Variants in ROBO2 observed in about 807,000 individuals in gnomAD.
ROBO2 encodes the protein roundabout guidance receptor 2.
Under a neutral mutation model 160.8 loss-of-function variants are expected in ROBO2, and 53 were observed. The observed-to-expected ratio is 0.33, with a 90% confidence interval of 0.26 to 0.41. ROBO2 has a LOEUF of 0.41. Among genes scored for constraint, ROBO2 ranks in the 10% least tolerant of loss-of-function variants. The pLI, the probability that ROBO2 is intolerant of heterozygous loss-of-function variation, is 1.00. For missense variants in ROBO2, 1,577 were observed against 1,722.4 expected, an observed-to-expected ratio of 0.92 and a Z score of 1.49; for synonymous variants, 664 against 611.7, an observed-to-expected ratio of 1.09 and a Z score of -1.26.
chr3:77,332,415 A>G (rs899295047), intron 2 of ROBO2, among the ~76,000 whole-genome samples: 2 of 152,122 alleles, frequency 1.3e-5, no homozygotes, highest in Non-Finnish European at 2.9e-5. Flanking sequence ...CAGAGGTAGT[A>G]TTATGGGGTG....
At chr3:76,087,004 G>A (rs2069041235) in intron 2 of ROBO2, among the ~76,000 whole-genome samples, 1 of 151,934 alleles carries the variant, frequency 6.6e-6, no homozygotes, top group African/African-American at 2.4e-5. Flanking sequence ...AGAGAAAAAT[G>A]ATGAAATAAA....
rs147049519 is a variant in ROBO2 at position 77,166,552 on chromosome 3, G to GT, written c.388+68220dup. On this transcript the variant is annotated intron_variant, in intron 2 of 25. Transcript: ENST00000461745. ...AAAAAATATTTAATGACACAGAAGT[G>GT]TTTTTTTTGTTTGTTTGTTTGTTTT... Among the ~76,000 whole-genome samples the GT allele has an allele frequency of 0.022, 3,278 of 151,536 alleles. 182 individuals are homozygous for GT. In the East Asian group the frequency reaches 0.22, roughly 10 times the overall value.
intron 2 of ROBO2, among the ~76,000 whole-genome samples, chr3:75,991,335 G>T (rs2065562733): frequency 6.6e-6 from 1 of 152,066 alleles, no homozygotes; most frequent in African/African-American, 2.4e-5. Flanking sequence ...ATGTGTTGTG[G>T]GAGGAATCCA....
chr3:76,980,288 C>G (rs1026741048), intron 2 of ROBO2, among the ~76,000 whole-genome samples: 9 of 152,180 alleles, frequency 5.9e-5, no homozygotes, highest in African/African-American at 1.4e-4. Context: ...GCAGAAATAG[C>G]ACAGCCACTA....
intron 5 of ROBO2, among the ~76,000 whole-genome samples, chr3:77,521,676 T>G (rs1197177573): frequency 6.6e-6 from 1 of 151,238 alleles, no homozygotes; most frequent in East Asian, 1.9e-4. Flanking sequence ...TAGACAATGC[T>G]TTTTCTCATG....
chr3:76,260,824 T>C (rs1425800957), intron 2 of ROBO2, among the ~76,000 whole-genome samples: 1 of 152,132 alleles, frequency 6.6e-6, no homozygotes, highest in African/African-American at 2.4e-5. Flanking sequence ...TCTTACAGAA[T>C]TATGAAGTAG....
At chr3:76,735,860 G>T (rs376690252) in intron 2 of ROBO2, among the ~76,000 whole-genome samples, 1 of 151,260 alleles carries the variant, frequency 6.6e-6, no homozygotes, top group Non-Finnish European at 1.5e-5. Context: ...TTGGTTACAG[G>T]AGCTGTACCC....
chr3:77,035,907 C>T (rs1189280258), upstream of ROBO2, among the ~76,000 whole-genome samples: 6 of 151,830 alleles, frequency 4.0e-5, no homozygotes, highest in Non-Finnish European at 8.8e-5. Context: ...TATAATAAGA[C>T]AATCTTATAT....
intron 2 of ROBO2, among the ~76,000 whole-genome samples, chr3:76,476,011 GGT>G (rs1452862797): frequency 6.6e-5 from 10 of 152,120 alleles, no homozygotes; most frequent in African/African-American, 2.4e-4. Flanking sequence ...AAATTAGCCA[GGT>G]GTGCTGGTGG....
intron 2 of ROBO2, among the ~76,000 whole-genome samples, chr3:76,379,641 A>G (rs1403319710): frequency 1.3e-5 from 2 of 152,200 alleles, no homozygotes; most frequent in African/African-American, 4.8e-5. Flanking sequence ...CTGTACTCTT[A>G]TTTCAAGATA....
intron 2 of ROBO2, among the ~76,000 whole-genome samples, chr3:76,493,120 C>T (rs891563552): frequency 2.6e-5 from 4 of 151,682 alleles, no homozygotes; most frequent in African/African-American, 4.8e-5. Context: ...TTGTGGCTGT[C>T]TCAATATTTA....
At chr3:77,044,777 C>T (rs562200643) in intron 1 of ROBO2, among the ~76,000 whole-genome samples, 8 of 152,258 alleles carry the variant, frequency 5.3e-5, no homozygotes, top group Non-Finnish European at 2.9e-5. Flanking sequence ...CTATCATTTT[C>T]CAGTTTACAC....
Position 76,157,467 on chromosome 3 carries a change from A to G in ROBO2, c.109+219865A>G, listed in dbSNP as rs567262831. Reference sequence around the variant, plus strand: ...CACAATGCGTGTAATCTGTGAGTATATAATCAAGAATTGATTGCAATTCTC... The same window carrying G: ...CACAATGCGTGTAATCTGTGAGTATGTAATCAAGAATTGATTGCAATTCTC... On this transcript the variant is annotated intron_variant, in intron 2 of 26. Transcript: ENST00000487694. Among the ~76,000 whole-genome samples the G allele has an allele frequency of 1.1e-3, 170 of 152,340 alleles. 1 individual carries two copies. Among genetic ancestry groups the G allele is most frequent in the African/African-American group, 4.0e-3 (165 of 41,574 alleles).
intron 2 of ROBO2, among the ~76,000 whole-genome samples, chr3:76,704,591 T>A (rs2093119634): frequency 6.6e-6 from 1 of 152,102 alleles, no homozygotes; most frequent in Admixed American, 6.6e-5. Context: ...GTACCATATA[T>A]CATTATGCCT....
intron 2 of ROBO2, among the ~76,000 whole-genome samples, chr3:76,834,278 C>T (rs1478985209): frequency 2.6e-5 from 4 of 151,004 alleles, no homozygotes; most frequent in Non-Finnish European, 5.9e-5. Flanking sequence ...AATCATAGCT[C>T]CTGGGCTCAA....
intron 2 of ROBO2, among the ~76,000 whole-genome samples, chr3:76,712,398 G>T (rs2107616385): frequency 6.6e-6 from 1 of 152,244 alleles, no homozygotes; most frequent in East Asian, 1.9e-4. Context: ...TTTTAGGCCA[G>T]GCATGGTGGC....
intron 2 of ROBO2, among the ~76,000 whole-genome samples, chr3:76,532,239 G>A (rs1052553769): frequency 6.6e-6 from 1 of 152,142 alleles, no homozygotes; most frequent in East Asian, 1.9e-4. Flanking sequence ...TTGGTGAAAA[G>A]AGTGACAATT....
intron 2 of ROBO2, among the ~76,000 whole-genome samples, chr3:76,224,188 A>G (rs1470116069): frequency 2.0e-5 from 3 of 152,200 alleles, no homozygotes; most frequent in Non-Finnish European, 4.4e-5. Context: ...GGGGTTCTAG[A>G]AGAAAATTTT....
intron 2 of ROBO2, among the ~76,000 whole-genome samples, chr3:77,154,082 T>C (rs77890433): frequency 0.023 from 3,529 of 152,174 alleles, 58 homozygotes; most frequent in Non-Finnish European, 0.036. Context: ...AAGCAGTTTC[T>C]TCTTAATAGA....
Sources: gnomAD v4.1 joint callset for allele counts (sites outside exome capture counted in the v4.1 genomes callset) on GRCh38, gnomAD v4.1.1 for gene constraint, MANE v1.5 for transcripts, NCBI Gene and HGNC (gene_info 2026-07-23, HGNC 2026-07-21) for gene names.